AKAP6: variants seen among roughly 807,000 people sequenced by gnomAD.
AKAP6 encodes the protein A-kinase anchoring protein 6.
A neutral mutation model predicts 188.5 loss-of-function variants in AKAP6; 58 were observed. That is an observed-to-expected ratio of 0.31 (90% CI 0.25 to 0.38). The LOEUF is 0.38. Ranked by LOEUF, AKAP6 falls within the 10% of genes least tolerant of loss-of-function variation. The probability of loss-of-function intolerance (pLI) is 1.00; values close to 1 mark genes in which losing one functional copy is unlikely to be tolerated. For synonymous variants in AKAP6, 989 were observed against 998.6 expected (o/e 0.99, Z 0.18); for missense variants, 2,710 against 2,740.0 (o/e 0.99, Z 0.24).
chr14:32,510,438 G>GTGTATATATATATACATATATATGTA (rs1566546723), intron 2 of AKAP6, among the ~76,000 whole-genome samples: 4 of 84,458 alleles, frequency 4.7e-5, no homozygotes, highest in African/African-American at 1.8e-4. Flanking sequence ...ATATATATGT[G>GTGTATATATATATACATATATATGTA]TATATATATA....
At chr14:32,430,992 C>G (rs934638775) in intron 1 of AKAP6, among the ~76,000 whole-genome samples, 7 of 151,976 alleles carry the variant, frequency 4.6e-5, no homozygotes. Flanking sequence ...GTAGACCCAG[C>G]TACCTGGGGG....
chr14:32,581,034 G>C (rs577648840), intron 5 of AKAP6, among the ~76,000 whole-genome samples: 28 of 152,254 alleles, frequency 1.8e-4, no homozygotes, highest in African/African-American at 6.5e-4. Flanking sequence ...TGTCTTTATA[G>C]CAGCATGATT....
intron 12 of AKAP6, among the ~76,000 whole-genome samples, chr14:32,782,209 G>A (rs1269380338): frequency 6.6e-6 from 1 of 150,480 alleles, no homozygotes; most frequent in Non-Finnish European, 1.5e-5. Context: ...GAGGGAGGGA[G>A]GAAGGGAAAG....
At chr14:32,760,737 C>T (rs911534894) in intron 11 of AKAP6, among the ~76,000 whole-genome samples, 2 of 152,092 alleles carry the variant, frequency 1.3e-5, no homozygotes, top group Non-Finnish European at 2.9e-5. Flanking sequence ...AAAAATTCTC[C>T]TAGATCTTCA....
At chr14:32,337,427 C>G (rs1019650506) in intron 1 of AKAP6, among the ~76,000 whole-genome samples, 16 of 151,896 alleles carry the variant, frequency 1.1e-4, no homozygotes, top group African/African-American at 3.9e-4. Context: ...AAGGACAGAT[C>G]TGAAAACAAA....
intron 7 of AKAP6, among the ~76,000 whole-genome samples, chr14:32,618,821 TA>T (rs1284227056): frequency 6.6e-6 from 1 of 152,196 alleles, no homozygotes; most frequent in Non-Finnish European, 1.5e-5. Context: ...CAGCAGTGTA[TA>T]AGTGTTCCCT....
intron 1 of AKAP6, chr14:32,433,102 G>A: frequency 5.4e-6 from 1 of 185,394 alleles, no homozygotes; most frequent in Admixed American, 5.4e-5. Flanking sequence ...CCACTCATTG[G>A]CCAGAACATG....
intron 1 of AKAP6, among the ~76,000 whole-genome samples, chr14:32,379,660 G>T (rs142308313): frequency 1.9e-4 from 29 of 152,040 alleles, no homozygotes; most frequent in African/African-American, 7.0e-4. Flanking sequence ...TTGGTCATAG[G>T]CTTGAGCTCC....
At chr14:32,811,427 GTAATGACA>G (rs1409428733) in intron 12 of AKAP6, among the ~76,000 whole-genome samples, 3 of 151,960 alleles carry the variant, frequency 2.0e-5, no homozygotes, top group Non-Finnish European at 2.9e-5. Flanking sequence ...AACAAGAACA[GTAATGACA>G]TAATGTTGGC....
At chr14:32,570,928 G>A (rs1018733045) in intron 4 of AKAP6, among the ~76,000 whole-genome samples, 4 of 152,090 alleles carry the variant, frequency 2.6e-5, no homozygotes, top group African/African-American at 9.7e-5. Flanking sequence ...ATTTCATACG[G>A]TGCCAGTGAG....
chr14:32,524,613 C>A (rs764874468), intron 2 of AKAP6, among the ~76,000 whole-genome samples: 2 of 152,152 alleles, frequency 1.3e-5, no homozygotes, highest in Non-Finnish European at 2.9e-5. Context: ...GAGATTATTA[C>A]AACACTATCA....
Position 32,433,964 on chromosome 14 carries a change from A to G in AKAP6, c.324+147A>G, listed in dbSNP as rs1202843923. ...CAAACCATTATCTTTAGAGATAAACATGGAAATAATTAATTCTTCTCTGAT... is the reference window on the plus strand; with the variant it reads ...CAAACCATTATCTTTAGAGATAAACGTGGAAATAATTAATTCTTCTCTGAT... On this transcript the variant is annotated intron_variant, in intron 2 of 13. Coordinates refer to ENST00000280979, the MANE Select transcript of AKAP6 (RefSeq NM_004274.5). 7.1e-6 allele frequency: 5 copies of G among 701,296 alleles called. No homozygotes were observed. In the East Asian group the frequency reaches 8.2e-5, roughly 11 times the overall value. 43.4% of individuals were successfully genotyped at this position (701,296 alleles called of 1,614,324 possible).
chr14:32,686,552 C>G (rs1889933399), intron 8 of AKAP6, among the ~76,000 whole-genome samples: 1 of 151,876 alleles, frequency 6.6e-6, no homozygotes. Flanking sequence ...ATCTCATGTA[C>G]TCCATAAATA....
intron 9 of AKAP6, among the ~76,000 whole-genome samples, chr14:32,704,180 T>A (rs1030849686): frequency 6.6e-6 from 1 of 152,178 alleles, no homozygotes; most frequent in African/African-American, 2.4e-5. Context: ...CAGATAGCAC[T>A]TAAATTAGTT....
intron 3 of AKAP6, among the ~76,000 whole-genome samples, chr14:32,538,514 G>A (rs1423812473): frequency 4.0e-5 from 6 of 151,624 alleles, no homozygotes. Context: ...AACAATATAT[G>A]AACTTTATTC....
At chr14:32,785,976 T>C (rs1026498298) in intron 12 of AKAP6, among the ~76,000 whole-genome samples, 16 of 152,210 alleles carry the variant, frequency 1.1e-4, no homozygotes, top group African/African-American at 3.9e-4. Flanking sequence ...ATTACATTTA[T>C]TGATGATGTC....
chr14:32,746,266 A>G (rs570525550), intron 11 of AKAP6, among the ~76,000 whole-genome samples: 137 of 152,214 alleles, frequency 9.0e-4, no homozygotes, highest in Middle Eastern at 3.4e-3. Flanking sequence ...CCACACATGG[A>G]AATCTGCTAA....
At position 32,570,934 on chromosome 14, in the gene AKAP6, G is replaced by A. The variant is rs529789897; in HGVS notation, c.2347-6186G>A. ...CTGTTCATGATTTCATACGGTGCCA[G>A]TGAGGCTTTCTGGATTCAGGTACTG... On this transcript the variant is annotated intron_variant, in intron 4 of 13. Transcript: ENST00000280979. Among the ~76,000 whole-genome samples, 3 of 152,300 alleles carry A rather than the reference G, an allele frequency of 2.0e-5. No homozygotes were observed. The East Asian group carries it at 5.8e-4, about 29-fold the overall frequency.
intron 12 of AKAP6, among the ~76,000 whole-genome samples, chr14:32,811,546 T>C (rs1021055109): frequency 6.6e-6 from 1 of 152,094 alleles, no homozygotes; most frequent in Non-Finnish European, 1.5e-5. Flanking sequence ...GTCAGAAGGA[T>C]GGGGACTTGC....
Sources: gnomAD v4.1 joint callset for allele counts (sites outside exome capture counted in the v4.1 genomes callset) on GRCh38, gnomAD v4.1.1 for gene constraint, MANE v1.5 for transcripts, NCBI Gene and HGNC (gene_info 2026-07-23, HGNC 2026-07-21) for gene names.